The following PODXL variants were observed in gnomAD, a reference collection of about 807,000 sequenced individuals.
PODXL encodes the protein podocalyxin like.
A neutral mutation model predicts 48.9 loss-of-function variants in PODXL; 20 were observed. The ratio of observed to expected loss-of-function variants is 0.41; its 90% CI spans 0.29 to 0.59. The LOEUF (loss-of-function observed/expected upper bound fraction) is 0.59. Among genes scored for constraint, PODXL ranks in the 20% least tolerant of loss-of-function variants. The pLI, the probability that PODXL is intolerant of heterozygous loss-of-function variation, is 0.31. For synonymous variants in PODXL, 295 were observed against 287.4 expected (o/e 1.03, Z -0.27); for missense variants, 606 against 675.1 (o/e 0.90, Z 1.13).
intron 1 of PODXL, among the ~76,000 whole-genome samples, chr7:131,551,618 C>T (rs1320564408): frequency 1.3e-5 from 2 of 152,146 alleles, no homozygotes; most frequent in African/African-American, 4.8e-5. Flanking sequence ...ACTGGAGACA[C>T]GATTCCTCCC....
intron 1 of PODXL, among the ~76,000 whole-genome samples, chr7:131,535,531 AC>A (rs1431223173): frequency 6.6e-6 from 1 of 152,216 alleles, no homozygotes; most frequent in Non-Finnish European, 1.5e-5. Flanking sequence ...CAGAGGTCAC[AC>A]ACTTTTTCCA....
At chr7:131,543,435 C>T (rs1798515288) in intron 1 of PODXL, among the ~76,000 whole-genome samples, 1 of 152,138 alleles carries the variant, frequency 6.6e-6, no homozygotes, top group African/African-American at 2.4e-5. Flanking sequence ...CATCCCTTGT[C>T]CCCTGCTCTT....
chr7:131,515,042 C>T (rs531063652), intron 1 of PODXL, among the ~76,000 whole-genome samples: 1 of 152,308 alleles, frequency 6.6e-6, no homozygotes, highest in African/African-American at 2.4e-5. Context: ...TGCTGAGCAG[C>T]ATTCCTGGCC....
intron 1 of PODXL, among the ~76,000 whole-genome samples, chr7:131,512,282 A>G (rs920009207): frequency 5.3e-5 from 8 of 152,196 alleles, no homozygotes; most frequent in African/African-American, 1.9e-4. Context: ...ACCCTCAAGA[A>G]GCTAACACTC....
chr7:131,524,379 C>CACAGAGAGAGAGAGAGAGAGAGAT (rs746255906), intron 1 of PODXL, among the ~76,000 whole-genome samples: 1 of 104,052 alleles, frequency 9.6e-6, no homozygotes. Context: ...CACACACACA[C>CACAGAGAGAGAGAGAGAGAGAGAT]AGAGAGAGAG....
At chr7:131,506,805 G>T in intron 5 of PODXL, 79 bp from the exon 6 acceptor site, 1 of 1,483,640 alleles carries the variant, frequency 6.7e-7, no homozygotes. Context: ...TCCCAGCTAA[G>T]GTCGGGACAG....
At chr7:131,556,158 G>A (rs1798738999) in intron 1 of PODXL, 102 bp downstream of exon 1, 4 of 1,327,410 alleles carry the variant, frequency 3.0e-6, no homozygotes, top group Middle Eastern at 2.8e-4. Context: ...AGGGCTGCTC[G>A]GGGTCGGACC....
intron 1 of PODXL, among the ~76,000 whole-genome samples, chr7:131,547,328 G>A (rs1055934212): frequency 3.9e-5 from 5 of 129,762 alleles, no homozygotes; most frequent in East Asian, 4.8e-4. Context: ...ACCCAAGATT[G>A]CGCCATTGCA....
At chr7:131,506,417 G>A in intron 6 of PODXL, 96 bp from the exon 7 acceptor site, 1 of 1,461,996 alleles carries the variant, frequency 6.8e-7, no homozygotes, top group Non-Finnish European at 9.6e-7. Flanking sequence ...CCGTATCTCA[G>A]TCTCCTGAGT....
intron 1 of PODXL, among the ~76,000 whole-genome samples, chr7:131,524,409 A>G (rs74848060): frequency 1.9e-4 from 14 of 72,122 alleles, no homozygotes; most frequent in South Asian, 5.2e-4. Flanking sequence ...GAGAGAGAGA[A>G]AACAACAAGG....
chr7:131,505,880 C>T lies in PODXL; in HGVS notation c.1467G>A (p.Gln489=). 1 of 1,564,986 alleles carries T rather than the reference C, an allele frequency of 6.4e-7. No homozygotes were observed. Among genetic ancestry groups the T allele is most frequent in the South Asian group, 1.2e-5 (1 of 85,220 alleles). ...LYGCCHQRLS[Q]RKDQQRLTEE... ...AACAGCTGCTTACCTGGTCCTTCCTCTGGGAGAGGCGCTGGTGGCAGCAGC... is the reference window on the plus strand; with the variant it reads ...AACAGCTGCTTACCTGGTCCTTCCTTTGGGAGAGGCGCTGGTGGCAGCAGC... The change falls in exon 8 of 9, where the codon CAG becomes CAA. Residue 489 remains glutamine, a synonymous_variant. Coordinates refer to ENST00000378555, the MANE Select transcript of PODXL (RefSeq NM_001018111.3).
chr7:131,522,978 C>G (rs1006829901), intron 1 of PODXL, among the ~76,000 whole-genome samples: 1 of 152,184 alleles, frequency 6.6e-6, no homozygotes, highest in African/African-American at 2.4e-5. Flanking sequence ...ATGCATAATG[C>G]TGCTATGAAC....
chr7:131,545,531 C>A (rs1362707929), intron 1 of PODXL, among the ~76,000 whole-genome samples: 1 of 152,164 alleles, frequency 6.6e-6, no homozygotes, highest in Non-Finnish European at 1.5e-5. Context: ...CCAAAATGTC[C>A]TGGGGAAACA....
chr7:131,538,161 C>T (rs1798411574), intron 1 of PODXL, among the ~76,000 whole-genome samples: 1 of 152,154 alleles, frequency 6.6e-6, no homozygotes, highest in South Asian at 2.1e-4. Context: ...CTGGCCCCTC[C>T]CCTGTGCTCT....
At chr7:131,516,734 C>G (rs1427103201) in intron 1 of PODXL, among the ~76,000 whole-genome samples, 2 of 64,604 alleles carry the variant, frequency 3.1e-5, no homozygotes, top group Non-Finnish European at 6.3e-5. Context: ...GCTTTTTTTT[C>G]TCTTTTTTTT....
chr7:131,512,978 G>C (rs1797938374), intron 1 of PODXL, among the ~76,000 whole-genome samples: 1 of 131,872 alleles, frequency 7.6e-6, no homozygotes, highest in Non-Finnish European at 1.5e-5. Context: ...CTGGGCGACT[G>C]AGCAAGACTC....
chr7:131,529,707 GAGA>G (rs1043191120), intron 1 of PODXL, among the ~76,000 whole-genome samples: 1 of 152,084 alleles, frequency 6.6e-6, no homozygotes, highest in Non-Finnish European at 1.5e-5. Context: ...GCTGGGAAAT[GAGA>G]AGGTCTGAAC....
In PODXL at chr7:131,504,185, G is replaced by C. The variant is rs117320741; in HGVS notation, c.*126C>G. ...AAGGGAAAAATTAAGGCCCTGGGGG[G>C]ATTGGGAGGGGACACCCCTCGGAGT... On this transcript the variant is annotated 3_prime_UTR_variant, in exon 9 of 9. Coordinates refer to ENST00000378555, the MANE Select transcript of PODXL (RefSeq NM_001018111.3). The C allele has an allele frequency of 1.4e-6, 1 of 713,522 alleles. No individual in the cohort carries two copies. The highest frequency in any genetic ancestry group is 2.4e-6 in the Non-Finnish European group (1 of 421,302). The allele number at this position is 713,522 out of a possible 1,614,324, so 44.2% of individuals were successfully genotyped here.
At chr7:131,549,580 A>G (rs1248928385) in intron 1 of PODXL, among the ~76,000 whole-genome samples, 2 of 152,142 alleles carry the variant, frequency 1.3e-5, no homozygotes, top group Non-Finnish European at 2.9e-5. Context: ...CGTCCCTTCT[A>G]CTCTGATCAG....
Sources: allele counts gnomAD v4.1 joint callset (sites outside exome capture counted in the v4.1 genomes callset), GRCh38; gene constraint gnomAD v4.1.1; transcripts MANE v1.5; gene names NCBI Gene and HGNC (gene_info 2026-07-23, HGNC 2026-07-21).